CC2D2B: variants seen among roughly 807,000 people sequenced by gnomAD.
The protein encoded by CC2D2B is coiled-coil and C2 domain containing 2B.
Under a neutral mutation model 161.2 loss-of-function variants are expected in CC2D2B, and 128 were observed. That is an observed-to-expected ratio of 0.79 (90% CI 0.69 to 0.92). The LOEUF is 0.92. CC2D2B is among the 40% of genes least tolerant of loss of function. CC2D2B has a pLI of 0.00. For synonymous variants in CC2D2B, 391 were observed against 449.8 expected, an observed-to-expected ratio of 0.87 and a Z score of 1.65; for missense variants, 1,173 against 1,375.1, an observed-to-expected ratio of 0.85 and a Z score of 2.32.
intron 18 of CC2D2B, among the ~76,000 whole-genome samples, chr10:95,982,978 G>T (rs1316039264): frequency 1.3e-5 from 2 of 151,958 alleles, no homozygotes; most frequent in East Asian, 3.9e-4. Flanking sequence ...TACCATGTTG[G>T]CCAAGCTGGT....
At chr10:95,982,223 G>T (rs1048154460) in intron 18 of CC2D2B, 110 bp downstream of exon 18, 1 of 731,820 alleles carries the variant, frequency 1.4e-6, no homozygotes, top group Non-Finnish European at 1.9e-6. Context: ...GGCTCTTGGG[G>T]TTATGTAAAA....
At chr10:95,920,644 A>G (rs4415682) in intron 2 of CC2D2B, 93,891 of 150,996 alleles carry the variant, frequency 0.62, 29,713 homozygotes, top group Admixed American at 0.7. Flanking sequence ...GTGGAAATAT[A>G]CTGGGTCACA....
intron 1 of CC2D2B, among the ~76,000 whole-genome samples, chr10:95,910,106 T>C (rs1328619408): frequency 6.6e-6 from 1 of 152,164 alleles, no homozygotes; most frequent in Non-Finnish European, 1.5e-5. Flanking sequence ...TAATGAGCTG[T>C]CATCATGCCA....
chr10:95,971,835 T>C (rs2077146936), intron 15 of CC2D2B, among the ~76,000 whole-genome samples: 1 of 152,242 alleles, frequency 6.6e-6, no homozygotes, highest in South Asian at 2.1e-4. Context: ...CTCAGAACTG[T>C]ATTCATAATC....
chr10:96,014,881 C>A (rs1458743564), intron 29 of CC2D2B, among the ~76,000 whole-genome samples: 1 of 152,164 alleles, frequency 6.6e-6, no homozygotes, highest in Non-Finnish European at 1.5e-5. Context: ...TAACCCCCAT[C>A]CTTCACCATC....
intron 9 of CC2D2B, among the ~76,000 whole-genome samples, chr10:95,948,113 A>G (rs987935090): frequency 6.6e-6 from 1 of 152,152 alleles, no homozygotes; most frequent in African/African-American, 2.4e-5. Flanking sequence ...AGATTACAAT[A>G]GTTAATAGTA....
intron 22 of CC2D2B, among the ~76,000 whole-genome samples, chr10:95,993,950 G>A (rs11188546): frequency 0.15 from 1,872 of 12,456 alleles, 65 homozygotes; most frequent in Non-Finnish European, 0.21. Context: ...GTGTATGTAT[G>A]TGTATATATA....
At chr10:95,955,947 A>C (rs115098792) in intron 11 of CC2D2B, among the ~76,000 whole-genome samples, 2,830 of 152,284 alleles carry the variant, frequency 0.019, 36 homozygotes, top group Middle Eastern at 0.054. Context: ...AAGTTATGAA[A>C]GTATGAAATA....
In CC2D2B at chr10:95,924,303, T is replaced by C. The variant is rs1456647486; in HGVS notation, c.98-11T>C. The C allele has an allele frequency of 1.3e-5, 19 of 1,441,398 alleles. No individual in the cohort carries two copies. The highest frequency in any genetic ancestry group is 1.6e-5 in the Non-Finnish European group (17 of 1,072,682). 89.3% of individuals were successfully genotyped at this position (1,441,398 alleles called of 1,614,324 possible). A position where few individuals can be genotyped will look rare whatever the true frequency, so the allele number is the denominator to read the frequency against. Reference sequence around the variant, plus strand: ...TGTCATAAACTCTTTATTATGTTGGTTTCCTGATAGATTTAGATGCAGAAG... The same window carrying C: ...TGTCATAAACTCTTTATTATGTTGGCTTCCTGATAGATTTAGATGCAGAAG... On this transcript the variant is annotated splice_polypyrimidine_tract_variant and intron_variant, in intron 3 of 34. Coordinates refer to ENST00000646931, the MANE Select transcript of CC2D2B (RefSeq NM_001349008.3).
chr10:95,939,096 T>C (rs1564601125), intron 9 of CC2D2B, among the ~76,000 whole-genome samples, 171 bp downstream of exon 9: 1 of 152,116 alleles, frequency 6.6e-6, no homozygotes, highest in East Asian at 1.9e-4. Flanking sequence ...TCAAGGAATA[T>C]TGAATGATAT....
At position 96,032,168 on chromosome 10, in the gene CC2D2B, C is replaced by A. The variant is rs1479663193; in HGVS notation, c.*160C>A. 3.4e-6 allele frequency: 2 copies of A among 583,144 alleles called. No individual in the cohort carries two copies. The highest frequency in any genetic ancestry group is 1.9e-5 in the African/African-American group (1 of 53,624). The allele number at this position is 583,144 out of a possible 1,614,324, so 36.1% of individuals were successfully genotyped here. On this transcript the variant is annotated 3_prime_UTR_variant, in exon 35 of 35. Coordinates refer to ENST00000646931, the MANE Select transcript of CC2D2B (RefSeq NM_001349008.3). ...GAGCTGGGCACTATGGAGACTCGCA[C>A]CCCTGAGTGAGTCTTTGAGGAGGAG...
At chr10:95,995,212 C>A in intron 22 of CC2D2B, 57 bp from the exon 23 acceptor site, 1 of 1,027,962 alleles carries the variant, frequency 9.7e-7, no homozygotes, top group Non-Finnish European at 1.4e-6. Flanking sequence ...CCCACTCCTA[C>A]CAAAACTAAT....
chr10:96,008,588 C>T (rs1564665181), intron 25 of CC2D2B, among the ~76,000 whole-genome samples: 1 of 152,066 alleles, frequency 6.6e-6, no homozygotes. Context: ...ACTTTAGCCA[C>T]TCTAATAGTT....
At chr10:95,965,825 G>GTGTGTTTT in intron 12 of CC2D2B, 71 bp from the exon 13 acceptor site, 1 of 361,058 alleles carries the variant, frequency 2.8e-6, no homozygotes, top group African/African-American at 2.2e-5. Flanking sequence ...GTGTGTGTTG[G>GTGTGTTTT]CAAAATCTCG....
intron 33 of CC2D2B, 49 bp downstream of exon 33, chr10:96,024,960 G>C (rs1240864615): frequency 1.8e-6 from 2 of 1,101,656 alleles, no homozygotes; most frequent in Non-Finnish European, 2.6e-6. Flanking sequence ...TCAGTCTTCT[G>C]ACCCATCCAT....
chr10:95,970,162 G>C (rs1590663477), intron 15 of CC2D2B, among the ~76,000 whole-genome samples: 1 of 151,694 alleles, frequency 6.6e-6, no homozygotes, highest in African/African-American at 2.4e-5. Context: ...AGCCTGCCAA[G>C]TAGCTGGGAT....
In CC2D2B at chr10:95,995,285, A is replaced by G; in HGVS notation, c.2659A>G (p.Thr887Ala). 3.3e-6 allele frequency: 5 copies of G among 1,525,498 alleles called. No homozygotes were observed. The highest frequency in any genetic ancestry group is 4.4e-6 in the Non-Finnish European group (5 of 1,141,182). 94.5% of individuals were successfully genotyped at this position (1,525,498 alleles called of 1,614,324 possible). The change falls in exon 23 of 35, where the codon ACT becomes GCT. Residue 887 changes from threonine to alanine, a missense_variant. Around this residue, in one of 3 missense-constraint regions of CC2D2B, gnomAD observed 598 missense variants for 693.2 expected, o/e 0.86. Transcript: ENST00000646931. ...TTINGSLDMP[T>A]CLKSSISCLR... ...TTCCTGAAGATCCTTGGATATGCCT[A>G]CTTGTTTGAAATCATCTATATCTTG...
At chr10:95,964,892 CT>C (rs1412980927) in intron 12 of CC2D2B, among the ~76,000 whole-genome samples, 1 of 152,150 alleles carries the variant, frequency 6.6e-6, no homozygotes, top group African/African-American at 2.4e-5. Flanking sequence ...GCAATTTAAT[CT>C]TAGGATGTTT....
chr10:95,984,937 A>G (rs1194649488), intron 19 of CC2D2B, among the ~76,000 whole-genome samples: 1 of 152,138 alleles, frequency 6.6e-6, no homozygotes, highest in African/African-American at 2.4e-5. Flanking sequence ...ACTTTTCTAT[A>G]TGTTTGAAAA....
Sources: gnomAD v4.1 joint callset for allele counts (sites outside exome capture counted in the v4.1 genomes callset) on GRCh38, gnomAD v4.1.1 for gene constraint, gnomAD v4.1.1 regional missense constraint, MANE v1.5 for transcripts, NCBI Gene and HGNC (gene_info 2026-07-23, HGNC 2026-07-21) for gene names.